Variants in KCNN3 observed in about 807,000 individuals in gnomAD.
KCNN3 encodes the protein potassium calcium-activated channel subfamily N member 3.
Under a neutral mutation model 62.9 loss-of-function variants are expected in KCNN3, and 16 were observed. The ratio of observed to expected loss-of-function variants is 0.25; its 90% CI spans 0.17 to 0.39. The LOEUF (loss-of-function observed/expected upper bound fraction) is 0.39. Ranked by LOEUF, KCNN3 falls within the 10% of genes least tolerant of loss-of-function variation. The probability of loss-of-function intolerance (pLI) is 1.00; values close to 1 mark genes in which losing one functional copy is unlikely to be tolerated. For missense variants in KCNN3, 599 were observed against 949.4 expected, an observed-to-expected ratio of 0.63 and a Z score of 4.85; for synonymous variants, 370 against 389.2, an observed-to-expected ratio of 0.95 and a Z score of 0.58.
chr1:154,735,007 CA>C (rs1557948595), intron 3 of KCNN3, among the ~76,000 whole-genome samples: 3 of 152,150 alleles, frequency 2.0e-5, no homozygotes, highest in Non-Finnish European at 4.4e-5. Flanking sequence ...CTTCAGAGAC[CA>C]GGGGTCAGAT....
chr1:154,704,828 G>A lies in KCNN3; in HGVS notation c.*3148C>T, dbSNP rs6661516. 27,187 of 150,332 alleles carry A rather than the reference G, an allele frequency of 0.18. 2,861 individuals carry two copies. Among genetic ancestry groups the A allele is most frequent in the African/African-American group, 0.3 (12,184 of 40,810 alleles). The allele number at this position is 150,332 out of a possible 1,614,324, so 9.3% of individuals were successfully genotyped here. A position where few individuals can be genotyped will look rare whatever the true frequency, so the allele number is the denominator to read the frequency against. ...CTTGCTCGGTCACCCAAGCTGGAGT[G>A]CAATGGCACGATCTTGGCTCACTGC... is the stretch of plus-strand genomic sequence containing the variant. On this transcript the variant is annotated 3_prime_UTR_variant, in exon 8 of 8. Transcript: ENST00000271915.
intron 4 of KCNN3, among the ~76,000 whole-genome samples, chr1:154,731,249 G>A (rs884664): frequency 0.3 from 45,619 of 152,106 alleles, 7,139 homozygotes; most frequent in South Asian, 0.45. Context: ...CGGTTTCCTC[G>A]TGACAGTTGG....
chr1:154,721,573 T>C (rs1024301220), intron 5 of KCNN3, among the ~76,000 whole-genome samples: 4 of 152,092 alleles, frequency 2.6e-5, no homozygotes, highest in African/African-American at 9.7e-5. Flanking sequence ...AGTGCTGGGA[T>C]TACAGGCGTG....
chr1:154,782,973 C>G (rs6426933), intron 2 of KCNN3, among the ~76,000 whole-genome samples: 87,829 of 152,112 alleles, frequency 0.58, 26,134 homozygotes, highest in Admixed American at 0.64. Flanking sequence ...AGCGCTTTGG[C>G]AGGCCGAGGC....
chr1:154,837,104 C>T (rs1189336216), intron 1 of KCNN3, among the ~76,000 whole-genome samples: 5 of 144,574 alleles, frequency 3.5e-5, no homozygotes, highest in Non-Finnish European at 7.6e-5. Flanking sequence ...TTGTTTAAGC[C>T]TTTTTTTTTT....
In KCNN3 at chr1:154,862,448, G is replaced by A. The variant is rs746749225; in HGVS notation, c.933+6584C>T. Reference sequence around the variant, plus strand: ...GAGAAGAGCAAGGTGGAGGTGAGGGGTGAGAGAGTTATGTATGGACATGTC... The same window carrying A: ...GAGAAGAGCAAGGTGGAGGTGAGGGATGAGAGAGTTATGTATGGACATGTC... On this transcript the variant is annotated intron_variant, in intron 1 of 7. Transcript: ENST00000271915. This position sits in a 1 kb window ranked among gnomAD's most constrained non-coding sequence, Gnocchi z 4.1. 3.3e-5 allele frequency among the ~76,000 whole-genome samples: 5 copies of A among 152,178 alleles called. No homozygotes were observed. The highest frequency in any genetic ancestry group is 6.5e-5 in the Admixed American group (1 of 15,288).
intron 1 of KCNN3, among the ~76,000 whole-genome samples, chr1:154,867,727 C>G (rs1003835065): frequency 4.7e-5 from 7 of 149,774 alleles, no homozygotes; most frequent in African/African-American, 1.7e-4. Context: ...GCCACCCCCC[C>G]ACCAAGCCAC....
chr1:154,770,084 G>C (rs1404727671), intron 3 of KCNN3, among the ~76,000 whole-genome samples: 1 of 152,250 alleles, frequency 6.6e-6, no homozygotes, highest in Non-Finnish European at 1.5e-5. Context: ...ATTGGGGGAA[G>C]AGTGTCTGCT....
intron 1 of KCNN3, among the ~76,000 whole-genome samples, chr1:154,842,636 C>A (rs895402120): frequency 2.0e-3 from 30 of 14,684 alleles, no homozygotes; most frequent in Admixed American, 0.011. Flanking sequence ...GGGACCCCCC[C>A]CCCGCCACCA....
chr1:154,753,471 C>T (rs1357353124), intron 3 of KCNN3, among the ~76,000 whole-genome samples: 3 of 152,316 alleles, frequency 2.0e-5, no homozygotes, highest in Middle Eastern at 3.4e-3. Flanking sequence ...AAAAACTTTG[C>T]GTCTTATGTT....
chr1:154,804,891 C>G (rs1209652297), intron 2 of KCNN3, among the ~76,000 whole-genome samples: 1 of 152,134 alleles, frequency 6.6e-6, no homozygotes, highest in African/African-American at 2.4e-5. Flanking sequence ...AGTCAGACCT[C>G]CAACCCTCTG....
chr1:154,743,575 A>T (rs1455364947), intron 3 of KCNN3, among the ~76,000 whole-genome samples: 1 of 152,188 alleles, frequency 6.6e-6, no homozygotes, highest in Non-Finnish European at 1.5e-5. Context: ...CAATGGTGCC[A>T]CTTTACAATG....
At chr1:154,812,014 A>G (rs1040011601) in intron 2 of KCNN3, among the ~76,000 whole-genome samples, 3 of 152,182 alleles carry the variant, frequency 2.0e-5, no homozygotes, top group Non-Finnish European at 2.9e-5. Flanking sequence ...TCTTAATAAG[A>G]GTGTGCACTG....
chr1:154,840,866 G>A lies in KCNN3; in HGVS notation c.934-18682C>T, dbSNP rs115701398. 9.0e-3 allele frequency among the ~76,000 whole-genome samples: 1,375 copies of A among 152,234 alleles called. 29 individuals are homozygous for A. Among genetic ancestry groups the A allele is most frequent in the African/African-American group, 0.032 (1,319 of 41,544 alleles). On this transcript the variant is annotated intron_variant, in intron 1 of 7. Transcript: ENST00000271915. ...CTCCCACGCCTCTGCCCCCACCAAC[G>A]CCCTCCCCGGATCCCCCAGGTCAGG...
chr1:154,759,993 T>C (rs900500780), intron 3 of KCNN3, among the ~76,000 whole-genome samples: 6 of 152,052 alleles, frequency 3.9e-5, no homozygotes, highest in Admixed American at 3.9e-4. Flanking sequence ...TCCCACTTTC[T>C]TTCTCCTCTC....
At position 154,737,214 on chromosome 1, in the gene KCNN3, G is replaced by C. The variant is rs577004012; in HGVS notation, c.1449-4070C>G. The C allele has an allele frequency of 1.1e-4, 31 of 272,498 alleles. 2 individuals are homozygous for C. Among genetic ancestry groups the C allele is most frequent in the African/African-American group, 5.9e-4 (26 of 43,924 alleles). 16.9% of individuals were successfully genotyped at this position (272,498 alleles called of 1,614,324 possible). ...TTTTGCAATAGAAAATTTGGGGGGG[G>C]GGGATAGCTCCATGTTTTTCTTTAA... is the stretch of plus-strand genomic sequence containing the variant. On this transcript the variant is annotated intron_variant, in intron 3 of 7. Coordinates refer to ENST00000271915, the MANE Select transcript of KCNN3 (RefSeq NM_002249.6).
chr1:154,855,200 A>G (rs1652471525), intron 1 of KCNN3, among the ~76,000 whole-genome samples: 1 of 151,086 alleles, frequency 6.6e-6, no homozygotes, highest in African/African-American at 2.4e-5. Flanking sequence ...CCTGGGCTAC[A>G]GAGTGAGACT....
rs1256969188 is a variant in KCNN3, at chr1:154,698,286, C to T, written c.*9690G>A. 6.6e-6 allele frequency: 1 copy of T among 152,080 alleles called. No homozygotes were observed. Among genetic ancestry groups the T allele is most frequent in the African/African-American group, 2.4e-5 (1 of 41,408 alleles). 9.4% of individuals were successfully genotyped at this position (152,080 alleles called of 1,614,324 possible). A position where few individuals can be genotyped will look rare whatever the true frequency, so the allele number is the denominator to read the frequency against. On this transcript the variant is annotated 3_prime_UTR_variant, in exon 8 of 8. Transcript: ENST00000271915. ...TTTCAACTTGGGGAAATTCATTTCC[C>T]ATCCCCTGGCTGCCAAGCCTTCCTA...
chr1:154,737,829 G>A (rs1700744993), intron 3 of KCNN3, among the ~76,000 whole-genome samples: 1 of 152,224 alleles, frequency 6.6e-6, no homozygotes, highest in Non-Finnish European at 1.5e-5. Context: ...GGCTGAGGCA[G>A]GAGGATTGCT....
Sources: allele counts gnomAD v4.1 joint callset (sites outside exome capture counted in the v4.1 genomes callset), GRCh38; gene constraint gnomAD v4.1.1; non-coding constraint Gnocchi (gnomAD v3.1); transcripts MANE v1.5; gene names NCBI Gene and HGNC (gene_info 2026-07-23, HGNC 2026-07-21).